ME3: variants seen among roughly 807,000 people sequenced by gnomAD.
ME3 encodes malic enzyme 3.
A neutral mutation model predicts 68.9 loss-of-function variants in ME3; 48 were observed. The ratio of observed to expected loss-of-function variants is 0.70; its 90% CI spans 0.55 to 0.89. The LOEUF (loss-of-function observed/expected upper bound fraction) is 0.89, where lower values mean the gene tolerates loss of function less well. Among genes scored for constraint, ME3 ranks in the 40% least tolerant of loss-of-function variants. The pLI, the probability that ME3 is intolerant of heterozygous loss-of-function variation, is 0.00. For missense variants in ME3, 675 were observed against 797.4 expected (o/e 0.85, Z 1.85); for synonymous variants, 320 against 318.8 (o/e 1.00, Z -0.04).
intron 7 of ME3, among the ~76,000 whole-genome samples, chr11:86,473,022 G>T (rs1950867148): frequency 6.6e-6 from 1 of 152,244 alleles, no homozygotes; most frequent in Non-Finnish European, 1.5e-5. Context: ...GGAACAGGCA[G>T]CTCAGGGCAC....
At chr11:86,571,228 A>T (rs1957771587) in intron 2 of ME3, among the ~76,000 whole-genome samples, 1 of 152,240 alleles carries the variant, frequency 6.6e-6, no homozygotes, top group South Asian at 2.1e-4. Flanking sequence ...TTGATACAGG[A>T]TAAGTATTCA....
At chr11:86,519,655 T>C (rs1256917609) in intron 4 of ME3, among the ~76,000 whole-genome samples, 1 of 152,226 alleles carries the variant, frequency 6.6e-6, no homozygotes, top group Admixed American at 6.5e-5. Flanking sequence ...TTCCACATAT[T>C]TTTTGGCAGG....
At chr11:86,538,755 T>TA (rs1392792227) in intron 4 of ME3, among the ~76,000 whole-genome samples, 12 of 152,272 alleles carry the variant, frequency 7.9e-5, no homozygotes, top group African/African-American at 2.9e-4. Flanking sequence ...GCTTTGAAAT[T>TA]AGAGTCTACC....
At chr11:86,574,402 G>A (rs74392402) in intron 2 of ME3, among the ~76,000 whole-genome samples, 1 of 89,524 alleles carries the variant, frequency 1.1e-5, no homozygotes, top group Non-Finnish European at 2.7e-5. Context: ...GTTGCCGGGG[G>A]GGGGGGGGGT....
At chr11:86,598,817 C>A (rs1001147080) in intron 2 of ME3, among the ~76,000 whole-genome samples, 5 of 152,134 alleles carry the variant, frequency 3.3e-5, no homozygotes, top group African/African-American at 1.2e-4. Context: ...CTGCAGACAC[C>A]GCTGCTGATA....
chr11:86,492,010 C>G (rs1426147823), intron 6 of ME3, among the ~76,000 whole-genome samples: 2 of 152,188 alleles, frequency 1.3e-5, no homozygotes, highest in African/African-American at 4.8e-5. Flanking sequence ...CACTGCTGGT[C>G]CTGGTGGCTG....
At chr11:86,497,016 G>T (rs895526712) in intron 6 of ME3, among the ~76,000 whole-genome samples, 2 of 151,910 alleles carry the variant, frequency 1.3e-5, no homozygotes, top group African/African-American at 2.4e-5. Context: ...GAGTCTTGCT[G>T]TGTCACCCAG....
chr11:86,659,467 A>G (rs73514356), intron 2 of ME3, among the ~76,000 whole-genome samples: 104 of 152,322 alleles, frequency 6.8e-4, no homozygotes, highest in African/African-American at 2.4e-3. Context: ...ACTTATGTAG[A>G]CTAGTGATAA....
chr11:86,450,274 A>G, intron 9 of ME3, 27 bp downstream of exon 9: 1 of 1,607,016 alleles, frequency 6.2e-7, no homozygotes. Flanking sequence ...TCCTGGAGCA[A>G]CCAAAGAAAC....
At chr11:86,490,426 A>C (rs1051298741) in intron 6 of ME3, among the ~76,000 whole-genome samples, 2 of 152,068 alleles carry the variant, frequency 1.3e-5, no homozygotes, top group Admixed American at 1.3e-4. Context: ...CATGGTGCCT[A>C]CCCTTCCACA....
chr11:86,457,640 A>G (rs1191772533), intron 8 of ME3: 8 of 1,278,606 alleles, frequency 6.3e-6, no homozygotes, highest in Non-Finnish European at 8.2e-6. Context: ...AAAACTGGAA[A>G]GGAAGCTACT....
chr11:86,461,923 G>T (rs1950242097), intron 8 of ME3, among the ~76,000 whole-genome samples: 1 of 152,190 alleles, frequency 6.6e-6, no homozygotes, highest in Non-Finnish European at 1.5e-5. Context: ...TCTGAGAAAA[G>T]AATGGGAAGT....
intron 2 of ME3, among the ~76,000 whole-genome samples, chr11:86,609,926 A>C (rs1397066319): frequency 6.6e-6 from 1 of 152,170 alleles, no homozygotes; most frequent in African/African-American, 2.4e-5. Flanking sequence ...TACTCAACAC[A>C]TTATGCACCA....
chr11:86,641,758 T>C (rs899534971), intron 2 of ME3, among the ~76,000 whole-genome samples: 5 of 152,222 alleles, frequency 3.3e-5, no homozygotes, highest in South Asian at 2.1e-4. Flanking sequence ...TGTAGCATCA[T>C]GGATAGAGTC....
intron 2 of ME3, among the ~76,000 whole-genome samples, chr11:86,602,313 GACAA>G (rs377591452): frequency 0.085 from 12,092 of 141,618 alleles, 843 homozygotes; most frequent in East Asian, 0.3. Flanking sequence ...ACCAATAACA[GACAA>G]ACAGAGAGCC....
intron 2 of ME3, among the ~76,000 whole-genome samples, chr11:86,599,202 A>G (rs933403790): frequency 6.6e-6 from 1 of 152,218 alleles, no homozygotes; most frequent in African/African-American, 2.4e-5. Context: ...GAAAACATTG[A>G]AAAAAATTTA....
At chr11:86,467,427 C>A (rs1284870987) in intron 7 of ME3, among the ~76,000 whole-genome samples, 23 of 152,036 alleles carry the variant, frequency 1.5e-4, no homozygotes, top group Admixed American at 1.5e-3. Flanking sequence ...CTCCCATGCA[C>A]AAATATAATG....
intron 2 of ME3, among the ~76,000 whole-genome samples, chr11:86,620,102 T>C (rs539887394): frequency 6.6e-6 from 1 of 152,306 alleles, no homozygotes; most frequent in South Asian, 2.1e-4. Flanking sequence ...ACACAAATCC[T>C]ATTTTCCCTT....
At chr11:86,465,466 C>T (rs531857939) in intron 7 of ME3, among the ~76,000 whole-genome samples, 5 of 152,170 alleles carry the variant, frequency 3.3e-5, no homozygotes, top group South Asian at 2.1e-4. Flanking sequence ...AGCTAAGGTG[C>T]GCTGGTGGCT....
Sources: gnomAD v4.1 joint callset for allele counts (sites outside exome capture counted in the v4.1 genomes callset) on GRCh38, gnomAD v4.1.1 for gene constraint, MANE v1.5 for transcripts, NCBI Gene and HGNC (gene_info 2026-07-23, HGNC 2026-07-21) for gene names.